The following ADIPOR2 variants were observed in gnomAD, a reference collection of about 807,000 sequenced individuals.
ADIPOR2 encodes the protein adiponectin receptor 2.
In ADIPOR2, 18 loss-of-function variants were observed where a neutral mutation model predicts 40.9. The ratio of observed to expected loss-of-function variants is 0.44; its 90% CI spans 0.30 to 0.65. The LOEUF (loss-of-function observed/expected upper bound fraction) is 0.65, where lower values mean the gene tolerates loss of function less well. Among genes scored for constraint, ADIPOR2 ranks in the 30% least tolerant of loss-of-function variants. ADIPOR2 has a pLI of 0.09. For missense variants in ADIPOR2, 283 were observed against 479.2 expected, an observed-to-expected ratio of 0.59 and a Z score of 3.82; for synonymous variants, 165 against 166.4, an observed-to-expected ratio of 0.99 and a Z score of 0.06.
intron 1 of ADIPOR2, among the ~76,000 whole-genome samples, chr12:1,725,574 C>T (rs1483559048): frequency 6.6e-6 from 1 of 152,140 alleles, no homozygotes; most frequent in African/African-American, 2.4e-5. Context: ...CTAAAGGAAA[C>T]TATAAAGTCG....
chr12:1,730,508 A>G (rs534040142), intron 1 of ADIPOR2, among the ~76,000 whole-genome samples: 1 of 151,852 alleles, frequency 6.6e-6, no homozygotes, highest in Admixed American at 6.6e-5. Context: ...TCCCAGCTAC[A>G]CGGGAAGCTG....
intron 2 of ADIPOR2, 130 bp from the exon 3 acceptor site, chr12:1,772,712 A>G (rs1862513231): frequency 1.7e-6 from 2 of 1,143,068 alleles, no homozygotes; most frequent in East Asian, 2.5e-5. Flanking sequence ...GACTTACTAT[A>G]TTGTTGATTC....
intron 1 of ADIPOR2, among the ~76,000 whole-genome samples, chr12:1,740,460 CTCT>C (rs1253579733): frequency 6.6e-6 from 1 of 152,112 alleles, no homozygotes; most frequent in Non-Finnish European, 1.5e-5. Flanking sequence ...TCCCTGGTGT[CTCT>C]TCTTACAAGG....
intron 1 of ADIPOR2, among the ~76,000 whole-genome samples, chr12:1,700,689 C>G (rs2094648302): frequency 6.6e-6 from 1 of 151,178 alleles, no homozygotes; most frequent in Non-Finnish European, 1.5e-5. Flanking sequence ...AAAGGAGGAA[C>G]AAGACCAATT....
intron 1 of ADIPOR2, among the ~76,000 whole-genome samples, chr12:1,714,789 G>C (rs2094684390): frequency 6.6e-6 from 1 of 152,092 alleles, no homozygotes; most frequent in Non-Finnish European, 1.5e-5. Context: ...AACTAAAGCT[G>C]CATTCTTTTC....
In ADIPOR2 at chr12:1,730,619, A is replaced by G. The variant is rs1335747226; in HGVS notation, c.-86-23639A>G. On this transcript the variant is annotated intron_variant, in intron 1 of 7. Transcript: ENST00000357103. Reference sequence around the variant, plus strand: ...GTGACAGAGCAAGACTCTGTCTCAAAAAAAAAAAACAAAAAAAACCAAACA... The same window carrying G: ...GTGACAGAGCAAGACTCTGTCTCAAGAAAAAAAAACAAAAAAAACCAAACA... 8.1e-5 allele frequency: 10 copies of G among 123,194 alleles called. No homozygotes were observed. The Admixed American group carries it at 9.2e-4, about 11-fold the overall frequency. 7.6% of individuals were successfully genotyped at this position (123,194 alleles called of 1,614,324 possible). A position where few individuals can be genotyped will look rare whatever the true frequency, so the allele number is the denominator to read the frequency against.
At chr12:1,775,444 C>G (rs976543346) in intron 3 of ADIPOR2, among the ~76,000 whole-genome samples, 2 of 152,126 alleles carry the variant, frequency 1.3e-5, no homozygotes, top group South Asian at 4.1e-4. Context: ...ACCACTAGAA[C>G]ATTTGTTTAG....
chr12:1,743,002 A>G (rs762015689), intron 1 of ADIPOR2, among the ~76,000 whole-genome samples: 31 of 151,964 alleles, frequency 2.0e-4, no homozygotes, highest in South Asian at 4.2e-4. Context: ...TAGTTATGCT[A>G]CTCTCTTTTT....
chr12:1,763,911 C>T lies in ADIPOR2; in HGVS notation c.172-8931C>T, dbSNP rs983748896. On this transcript the variant is annotated intron_variant, in intron 2 of 7. Transcript: ENST00000357103. ...GGAGAATCACTTGAGCCCAGGAATT[C>T]GAGGCTGCAGTGAGCCATGATTGTG... is the stretch of plus-strand genomic sequence containing the variant. 6.6e-5 allele frequency among the ~76,000 whole-genome samples: 10 copies of T among 152,144 alleles called. No individual in the cohort carries two copies. In the East Asian group the frequency reaches 1.7e-3, roughly 26 times the overall value.
intron 1 of ADIPOR2, among the ~76,000 whole-genome samples, chr12:1,732,260 C>T (rs1227719673): frequency 6.6e-6 from 1 of 152,156 alleles, no homozygotes; most frequent in Non-Finnish European, 1.5e-5. Flanking sequence ...GAAAGGTATC[C>T]ACTATTACAG....
intron 1 of ADIPOR2, among the ~76,000 whole-genome samples, chr12:1,703,516 G>A (rs1027417218): frequency 5.3e-5 from 8 of 152,052 alleles, no homozygotes; most frequent in Non-Finnish European, 1.0e-4. Context: ...TAGGAAGTTT[G>A]CTTGAGCCCA....
At chr12:1,780,230 A>G (rs1184827391) in intron 4 of ADIPOR2, 3 of 419,052 alleles carry the variant, frequency 7.2e-6, no homozygotes, top group Non-Finnish European at 1.2e-5. Context: ...AAGTTTTTAT[A>G]TTCTGTATAT....
At chr12:1,748,233 CCTTTA>C (rs2154443232) in intron 1 of ADIPOR2, among the ~76,000 whole-genome samples, 1 of 151,996 alleles carries the variant, frequency 6.6e-6, no homozygotes, top group Non-Finnish European at 1.5e-5. Flanking sequence ...ATTATGCTTT[CCTTTA>C]CTTTTATTAT....
chr12:1,735,764 C>T (rs988818489), intron 1 of ADIPOR2, among the ~76,000 whole-genome samples: 9 of 152,122 alleles, frequency 5.9e-5, no homozygotes, highest in Non-Finnish European at 1.2e-4. Flanking sequence ...TTTTGACATA[C>T]GTCCCATCAA....
intron 2 of ADIPOR2, chr12:1,757,494 T>G (rs1436351776): frequency 1.3e-6 from 1 of 748,208 alleles, no homozygotes; most frequent in East Asian, 2.5e-5. Flanking sequence ...TAGGTTACCA[T>G]TGTCAAACTT....
intron 1 of ADIPOR2, among the ~76,000 whole-genome samples, chr12:1,716,287 A>G (rs929094915): frequency 6.6e-6 from 1 of 152,210 alleles, no homozygotes; most frequent in Admixed American, 6.5e-5. Flanking sequence ...ATGGGATGAA[A>G]TTGAAGATGG....
chr12:1,788,232 G>A lies in ADIPOR2; in HGVS notation c.*2160G>A, dbSNP rs998339430. 1 of 152,684 alleles carries A rather than the reference G, an allele frequency of 6.5e-6. No individual in the cohort carries two copies. Among genetic ancestry groups the A allele is most frequent in the Non-Finnish European group, 1.5e-5 (1 of 68,052 alleles). 9.5% of individuals were successfully genotyped at this position (152,684 alleles called of 1,614,324 possible). A position where few individuals can be genotyped will look rare whatever the true frequency, so the allele number is the denominator to read the frequency against. ...GAAAAATGAAATTAACATCACTGAT[G>A]TGTAATCCAGTAAAATCTCCCTTTT... is the stretch of plus-strand genomic sequence containing the variant. On this transcript the variant is annotated 3_prime_UTR_variant, in exon 8 of 8. Coordinates refer to ENST00000357103, the MANE Select transcript of ADIPOR2 (RefSeq NM_024551.3).
chr12:1,729,617 G>GTTTTTTTTTTTTTTTTTTTTT (rs56921758), intron 1 of ADIPOR2, among the ~76,000 whole-genome samples: 3 of 88,986 alleles, frequency 3.4e-5, no homozygotes, highest in East Asian at 3.4e-4. Context: ...TCAGCCAGTT[G>GTTTTTTTTTTTTTTTTTTTTT]TTTTTTTTTT....
intron 1 of ADIPOR2, chr12:1,698,157 G>T (rs11061928): frequency 0.044 from 6,763 of 152,416 alleles, 249 homozygotes; most frequent in East Asian, 0.18. Flanking sequence ...TTCTGGATGT[G>T]ACCAGAAACA....
Sources: allele counts gnomAD v4.1 joint callset (sites outside exome capture counted in the v4.1 genomes callset), GRCh38; gene constraint gnomAD v4.1.1; transcripts MANE v1.5; gene names NCBI Gene and HGNC (gene_info 2026-07-23, HGNC 2026-07-21).